The following ADAMTS16 variants were observed in gnomAD, a reference collection of about 807,000 sequenced individuals.
The protein encoded by ADAMTS16 is ADAM metallopeptidase with thrombospondin type 1 motif 16, also known as A disintegrin and metalloproteinase with thrombospondin motifs 16.
A neutral mutation model predicts 145.8 loss-of-function variants in ADAMTS16; 94 were observed. The observed-to-expected ratio is 0.64, with a 90% CI of 0.55 to 0.77. The LOEUF is 0.77. ADAMTS16 is among the 30% of genes least tolerant of loss of function. The pLI, the probability that ADAMTS16 is intolerant of heterozygous loss-of-function variation, is 0.00. For synonymous variants in ADAMTS16, 659 were observed against 604.3 expected (o/e 1.09, Z -1.33); for missense variants, 1,585 against 1,591.5 (o/e 1.00, Z 0.07).
intron 18 of ADAMTS16, among the ~76,000 whole-genome samples, chr5:5,302,098 C>T (rs1483368792): frequency 2.0e-5 from 3 of 152,194 alleles, no homozygotes; most frequent in Non-Finnish European, 2.9e-5. Context: ...TTTCCCCCTT[C>T]CTCTTGACGG....
chr5:5,242,757 A>C (rs957590629), intron 17 of ADAMTS16, among the ~76,000 whole-genome samples: 1 of 152,256 alleles, frequency 6.6e-6, no homozygotes, highest in Non-Finnish European at 1.5e-5. Flanking sequence ...TTCATACTGT[A>C]AACAATGGAA....
intron 10 of ADAMTS16, 56 bp from the exon 11 acceptor site, chr5:5,222,733 A>G: frequency 7.3e-7 from 1 of 1,378,516 alleles, no homozygotes; most frequent in Non-Finnish European, 1.0e-6. Flanking sequence ...TATTTTTATT[A>G]TAGATGAATT....
chr5:5,232,556 T>C, intron 12 of ADAMTS16, 40 bp downstream of exon 12: 1 of 1,604,892 alleles, frequency 6.2e-7, no homozygotes, highest in Non-Finnish European at 8.5e-7. Flanking sequence ...AACGACTGAT[T>C]TCCATGCCAT....
chr5:5,281,152 G>A (rs896984619), intron 18 of ADAMTS16, among the ~76,000 whole-genome samples: 1 of 152,192 alleles, frequency 6.6e-6, no homozygotes, highest in African/African-American at 2.4e-5. Context: ...ATCACATGAA[G>A]CCAAGAAAGC....
intron 11 of ADAMTS16, among the ~76,000 whole-genome samples, chr5:5,229,397 C>T (rs1736863598): frequency 6.6e-6 from 1 of 151,546 alleles, no homozygotes; most frequent in Admixed American, 6.6e-5. Context: ...GGAAACCAGA[C>T]ACTGCAGTAA....
intron 2 of ADAMTS16, among the ~76,000 whole-genome samples, chr5:5,142,688 A>T (rs1217424649): frequency 6.6e-6 from 1 of 152,188 alleles, no homozygotes; most frequent in Non-Finnish European, 1.5e-5. Flanking sequence ...CATTTTGTTT[A>T]AAGTAGCGCA....
At chr5:5,277,457 T>G (rs1738745657) in intron 18 of ADAMTS16, among the ~76,000 whole-genome samples, 2 of 152,126 alleles carry the variant, frequency 1.3e-5, no homozygotes, top group Non-Finnish European at 2.9e-5. Flanking sequence ...CAGAATCATT[T>G]CAAGGTTTGA....
intron 10 of ADAMTS16, among the ~76,000 whole-genome samples, chr5:5,211,469 G>A (rs1299761706): frequency 5.3e-5 from 8 of 152,006 alleles, no homozygotes; most frequent in African/African-American, 1.9e-4. Context: ...CTAGTTAGGA[G>A]TTTATCATAT....
At chr5:5,143,464 A>G (rs554931121) in intron 2 of ADAMTS16, among the ~76,000 whole-genome samples, 1 of 152,330 alleles carries the variant, frequency 6.6e-6, no homozygotes, top group South Asian at 2.1e-4. Flanking sequence ...GCAATCTTTA[A>G]AAAGTCAGAA....
At chr5:5,240,404 C>T (rs966283817) in intron 16 of ADAMTS16, among the ~76,000 whole-genome samples, 2 of 152,228 alleles carry the variant, frequency 1.3e-5, no homozygotes, top group African/African-American at 2.4e-5. Context: ...ACCCAGTGTC[C>T]AGTGCGGGGG....
intron 2 of ADAMTS16, among the ~76,000 whole-genome samples, chr5:5,140,993 GAT>G (rs1422785822): frequency 6.6e-6 from 1 of 151,980 alleles, no homozygotes; most frequent in East Asian, 1.9e-4. Context: ...CAGAGTTATT[GAT>G]ATAACATTAG....
intron 7 of ADAMTS16, among the ~76,000 whole-genome samples, chr5:5,190,585 G>A (rs1230584269): frequency 6.6e-6 from 1 of 152,014 alleles, no homozygotes; most frequent in East Asian, 1.9e-4. Context: ...GGTGTGACTT[G>A]TAGAGGCAGC....
At chr5:5,140,898 T>C in intron 2 of ADAMTS16, 132 bp downstream of exon 2, 1 of 205,786 alleles carries the variant, frequency 4.9e-6, no homozygotes, top group Non-Finnish European at 6.4e-6. Flanking sequence ...GTTGTGAACT[T>C]TTTTTTTTTT....
intron 3 of ADAMTS16, among the ~76,000 whole-genome samples, chr5:5,178,713 C>G (rs1735259398): frequency 6.6e-6 from 1 of 152,164 alleles, no homozygotes; most frequent in Admixed American, 6.5e-5. Flanking sequence ...CCAACTGCAG[C>G]TGGACACCTT....
At chr5:5,210,192 A>T (rs552452792) in intron 10 of ADAMTS16, among the ~76,000 whole-genome samples, 5 of 151,424 alleles carry the variant, frequency 3.3e-5, no homozygotes, top group African/African-American at 9.7e-5. Flanking sequence ...TCCCTGAGAA[A>T]TTTTTTTTTT....
chr5:5,318,080 A>T, intron 21 of ADAMTS16, 54 bp from the exon 22 acceptor site: 1 of 1,308,908 alleles, frequency 7.6e-7, no homozygotes, highest in South Asian at 2.6e-5. Context: ...ACTGAGGTTG[A>T]CCAGGTGCCT....
chr5:5,258,176 A>G (rs1737861012), intron 17 of ADAMTS16, among the ~76,000 whole-genome samples: 1 of 152,172 alleles, frequency 6.6e-6, no homozygotes, highest in African/African-American at 2.4e-5. Context: ...ATCCGCCGTT[A>G]GTGATTAGCC....
intron 3 of ADAMTS16, among the ~76,000 whole-genome samples, chr5:5,180,818 C>A (rs1278701866): frequency 8.5e-5 from 13 of 152,190 alleles, no homozygotes. Context: ...AATCATTCTA[C>A]ATCTCTATTT....
chr5:5,167,392 G>A (rs1560931246), intron 3 of ADAMTS16, among the ~76,000 whole-genome samples: 1 of 152,188 alleles, frequency 6.6e-6, no homozygotes, highest in East Asian at 1.9e-4. Flanking sequence ...TATGTCCCAG[G>A]AATATATTCA....
Sources: gnomAD v4.1 joint callset for allele counts (sites outside exome capture counted in the v4.1 genomes callset) on GRCh38, gnomAD v4.1.1 for gene constraint, MANE v1.5 for transcripts, NCBI Gene and HGNC (gene_info 2026-07-23, HGNC 2026-07-21) for gene names.